Variants in ALAS1 observed in about 807,000 individuals in gnomAD.
The protein encoded by ALAS1 is 5-aminolevulinate synthase, non-specific, mitochondrial.
ALAS1 carries 29 observed loss-of-function variants against 59.6 expected under a neutral mutation model. That is an observed-to-expected ratio of 0.49 (90% confidence interval 0.36 to 0.66). The LOEUF is 0.66. Among genes scored for constraint, ALAS1 ranks in the 30% least tolerant of loss-of-function variants. The pLI is 0.00. For synonymous variants in ALAS1, 299 were observed against 296.6 expected (o/e 1.01, Z -0.08); for missense variants, 690 against 807.5 (o/e 0.85, Z 1.76).
At position 52,212,344 on chromosome 3, in the gene ALAS1, G is replaced by A. The variant is rs190341217; in HGVS notation, c.1686G>A (p.Thr562=). Reference sequence around the variant, plus strand: ...ACGTGCAAGCAATCAATTACCCTACGGTGCCCCGGGGAGAAGAGCTCCTAC... The same window carrying A: ...ACGTGCAAGCAATCAATTACCCTACAGTGCCCCGGGGAGAAGAGCTCCTAC... ...NIYVQAINYP[T]VPRGEELLRI... The change falls in exon 11 of 12, where the codon ACG becomes ACA. Residue 562 remains threonine (T), a synonymous_variant. Transcript: ENST00000484952. 1.3e-5 allele frequency: 21 copies of A among 1,614,064 alleles called. No individual in the cohort carries two copies. The African/African-American group carries it at 1.3e-4, about 10-fold the overall frequency.
chr3:52,206,255 C>T (rs1195365401), intron 7 of ALAS1, among the ~76,000 whole-genome samples: 27 of 152,160 alleles, frequency 1.8e-4, no homozygotes, highest in Admixed American at 1.8e-3. Flanking sequence ...CTAATTGCCT[C>T]AAATATGTTT....
intron 7 of ALAS1, 95 bp downstream of exon 7, chr3:52,206,118 A>G: frequency 2.6e-6 from 3 of 1,151,784 alleles, no homozygotes; most frequent in Non-Finnish European, 3.7e-6. Context: ...GAACCTCTCA[A>G]TTGAAAATCA....
In ALAS1 at chr3:52,204,677, TTTG is replaced by T; in HGVS notation, c.578-13_578-11del. ...TCACAACCACCATTCTGTACTGTCTTTTGTTCAATTTTTAGCTGTTTCCACTTT... is the reference window on the plus strand; with the variant it reads ...TCACAACCACCATTCTGTACTGTCTTTTCAATTTTTAGCTGTTTCCACTTT... On this transcript the variant is annotated splice_polypyrimidine_tract_variant and intron_variant, in intron 5 of 11. Coordinates refer to ENST00000484952, the MANE Select transcript of ALAS1 (RefSeq NM_000688.6). 8 of 1,607,508 alleles carry T rather than the reference TTTG, an allele frequency of 5.0e-6. No homozygotes were observed. The highest frequency in any genetic ancestry group is 6.8e-6 in the Non-Finnish European group (8 of 1,175,064).
chr3:52,199,148 C>G, intron 2 of ALAS1, 62 bp from the exon 3 acceptor site: 2 of 1,527,346 alleles, frequency 1.3e-6, no homozygotes, highest in Non-Finnish European at 1.8e-6. Flanking sequence ...ACACCTGAAT[C>G]CAGTGAGCTT....
intron 11 of ALAS1, among the ~76,000 whole-genome samples, chr3:52,213,614 C>T (rs1315652575): frequency 6.6e-6 from 1 of 152,032 alleles, no homozygotes; most frequent in Admixed American, 6.6e-5. Flanking sequence ...CCTCAGAAGC[C>T]CCTACCCATT....
chr3:52,212,457 A>T, intron 11 of ALAS1, 37 bp downstream of exon 11: 1 of 1,611,440 alleles, frequency 6.2e-7, no homozygotes, highest in Non-Finnish European at 8.5e-7. Flanking sequence ...CTCACTGAGG[A>T]GTTGCATAAA....
Position 52,198,270 on chromosome 3 carries a change from G to A in ALAS1, c.-210+15G>A, listed in dbSNP as rs1577958029. The A allele has an allele frequency of 2.5e-6, 1 of 402,286 alleles. No individual in the cohort carries two copies. Among genetic ancestry groups the A allele is most frequent in the Non-Finnish European group, 4.4e-6 (1 of 228,016 alleles). 24.9% of individuals were successfully genotyped at this position (402,286 alleles called of 1,614,324 possible). On this transcript the variant is annotated intron_variant, in intron 1 of 11. Transcript: ENST00000484952. ...CCTCAGCGCAGGTGAGGGCCCGCGC[G>A]GTAGGTGCGGCGCCGGCCGAGGAAG...
intron 11 of ALAS1, 128 bp downstream of exon 11, chr3:52,212,548 G>A (rs1409697467): frequency 1.7e-6 from 2 of 1,200,212 alleles, no homozygotes; most frequent in African/African-American, 1.5e-5. Context: ...TTTTTTTTTT[G>A]AGACAAGAGT....
chr3:52,206,304 A>G (rs1038275068), intron 7 of ALAS1, among the ~76,000 whole-genome samples: 1 of 152,190 alleles, frequency 6.6e-6, no homozygotes, highest in Non-Finnish European at 1.5e-5. Flanking sequence ...TCTCTTAATC[A>G]TTTAGTTAGC....
At chr3:52,201,920 TG>T (rs1699192762) in intron 3 of ALAS1, among the ~76,000 whole-genome samples, 1 of 152,174 alleles carries the variant, frequency 6.6e-6, no homozygotes, top group African/African-American at 2.4e-5. Context: ...AACTAGAAAA[TG>T]GTACTTTTTT....
At chr3:52,210,916 T>C (rs1483950033) in intron 9 of ALAS1, among the ~76,000 whole-genome samples, 1 of 152,200 alleles carries the variant, frequency 6.6e-6, no homozygotes, top group Admixed American at 6.5e-5. Flanking sequence ...AAACCTAGAT[T>C]ATATAGCCTA....
chr3:52,198,989 G>C (rs1699129604), intron 2 of ALAS1, 141 bp downstream of exon 2: 4 of 1,111,864 alleles, frequency 3.6e-6, no homozygotes, highest in Non-Finnish European at 3.9e-6. Flanking sequence ...TGCTTTGCAG[G>C]TGCCTTTGTG....
intron 11 of ALAS1, among the ~76,000 whole-genome samples, chr3:52,212,767 G>A (rs531998013): frequency 9.2e-5 from 14 of 152,238 alleles, no homozygotes; most frequent in African/African-American, 3.1e-4. Flanking sequence ...CCGACCTCAG[G>A]TGATCCACCC....
At position 52,199,403 on chromosome 3, in the gene ALAS1, C is replaced by A; in HGVS notation, c.162C>A (p.His54Gln). ...GGGCATTGTCCACTGCAGCAGTACA[C>A]TACCAACAGATCAAAGAAACCCCTC... ...APRALSTAAV[H>Q]YQQIKETPPA... The change falls in exon 3 of 12, where the codon CAC becomes CAA. Residue 54 changes from histidine to glutamine, a missense_variant. By Grantham distance (24) the His-to-Gln change is conservative (BLOSUM62 0). Transcript: ENST00000484952. The A allele has an allele frequency of 6.2e-7, 1 of 1,614,202 alleles. No homozygotes were observed. Among genetic ancestry groups the A allele is most frequent in the Non-Finnish European group, 8.5e-7 (1 of 1,180,034 alleles).
rs753008589 is a variant in ALAS1, at chr3:52,212,401, G to C, written c.1743G>C (p.Gln581His). The change falls in exon 11 of 12, where the codon CAG becomes CAC. Residue 581 changes from glutamine (Q) to histidine (H), a missense_variant. Gln to His is a conservative substitution (Grantham distance 24). Transcript: ENST00000484952. ...RIAPTPHHTP[Q>H]MMNYFLENLL... ...CCCCCACCCCTCACCACACACCCCA[G>C]ATGATGAACTACTTCCTTGGTGAGT... The C allele has an allele frequency of 1.7e-5, 28 of 1,613,924 alleles. No individual in the cohort carries two copies. The Admixed American group carries it at 3.5e-4, about 20-fold the overall frequency.
chr3:52,198,636 A>T, intron 1 of ALAS1, 36 bp from the exon 2 acceptor site: 1 of 654,178 alleles, frequency 1.5e-6, no homozygotes, highest in Non-Finnish European at 2.6e-6. Context: ...GCTGGCCCTC[A>T]TACCCCTACC....
chr3:52,206,612 G>A lies in ALAS1; in HGVS notation c.1026G>A (p.Met342Ile), dbSNP rs1281683498. 9 of 1,614,088 alleles carry A rather than the reference G, an allele frequency of 5.6e-6. No individual in the cohort carries two copies. The highest frequency in any genetic ancestry group is 6.8e-6 in the Non-Finnish European group (8 of 1,180,050). Residue 342 changes from methionine to isoleucine, a missense_variant, in exon 8 of 12, where the codon ATG becomes ATA. Transcript: ENST00000484952. ...CTGATTCTGGGAACCATGCCTCCAT[G>A]ATCCAAGGGATTCGAAACAGCCGAG... ...IYSDSGNHASMIQGIRNSRVP... is the reference protein window; with the variant it reads ...IYSDSGNHASIIQGIRNSRVP...
chr3:52,206,313 G>A (rs1451850221), intron 7 of ALAS1, among the ~76,000 whole-genome samples: 1 of 152,158 alleles, frequency 6.6e-6, no homozygotes, highest in Non-Finnish European at 1.5e-5. Context: ...CATTTAGTTA[G>A]CTCTTGATTG....
Position 52,206,173 on chromosome 3 carries a change from G to T in ALAS1, c.985+150G>T. The T allele has an allele frequency of 3.8e-6, 3 of 783,192 alleles. No homozygotes were observed. The South Asian group carries it at 6.0e-5, about 16-fold the overall frequency. 48.5% of individuals were successfully genotyped at this position (783,192 alleles called of 1,614,324 possible). A position where few individuals can be genotyped will look rare whatever the true frequency, so the allele number is the denominator to read the frequency against. ...GTTCTGGGGTCAAGCATGAAATGCTGACTGTACATTATGGGTTCCAGGAGA... is the reference window on the plus strand; with the variant it reads ...GTTCTGGGGTCAAGCATGAAATGCTTACTGTACATTATGGGTTCCAGGAGA... On this transcript the variant is annotated intron_variant, in intron 7 of 11. Transcript: ENST00000484952.
Sources: gnomAD v4.1 joint callset for allele counts (sites outside exome capture counted in the v4.1 genomes callset) on GRCh38, gnomAD v4.1.1 for gene constraint, MANE v1.5 for transcripts, NCBI Gene and HGNC (gene_info 2026-07-23, HGNC 2026-07-21) for gene names.